Variants in GRIA3 observed in about 807,000 individuals in gnomAD.
GRIA3 encodes the protein glutamate receptor 3.
Under a neutral mutation model 63.0 loss-of-function variants are expected in GRIA3, and 3 were observed. The ratio of observed to expected loss-of-function variants is 0.05; its 90% CI spans 0.02 to 0.12. GRIA3 has a LOEUF of 0.12. Ranked by LOEUF, GRIA3 falls within the 10% of genes least tolerant of loss-of-function variation. GRIA3 has a pLI of 1.00. For synonymous variants in GRIA3, 274 were observed against 257.9 expected, an observed-to-expected ratio of 1.06 and a Z score of -0.60; for missense variants, 347 against 700.9, an observed-to-expected ratio of 0.50 and a Z score of 5.70.
chrX:123,365,474 T>C (rs1286736200), intron 5 of GRIA3, among the ~76,000 whole-genome samples: 6 of 111,284 alleles, frequency 5.4e-5, no homozygotes, highest in South Asian at 3.8e-4. Context: ...TAACAGATAA[T>C]GGAAATCCTT....
intron 6 of GRIA3, among the ~76,000 whole-genome samples, chrX:123,396,079 G>A (rs1179738041): frequency 9.2e-6 from 1 of 108,806 alleles, no homozygotes; most frequent in Non-Finnish European, 1.9e-5. Context: ...GGTAGCATGC[G>A]CCTGTAATCC....
chrX:123,376,933 C>CTT (rs11310583), intron 5 of GRIA3, among the ~76,000 whole-genome samples: 10,085 of 73,656 alleles, frequency 0.14, 1,176 homozygotes, highest in Non-Finnish European at 0.19. Flanking sequence ...TTCATTCACT[C>CTT]TTTTTTTTTT....
At chrX:123,263,030 G>T (rs1445373141) in intron 3 of GRIA3, among the ~76,000 whole-genome samples, 4 of 111,968 alleles carry the variant, frequency 3.6e-5, no homozygotes, top group Admixed American at 2.8e-4. Flanking sequence ...TTGAAAATAG[G>T]CAGTAAACAA....
rs1319867525 is a variant in GRIA3, at chrX:123,245,210, G to A, written c.269-8093G>A. Among the ~76,000 whole-genome samples the A allele has an allele frequency of 1.2e-4, 14 of 112,368 alleles. No individual in the cohort carries two copies. The Admixed American group carries it at 1.3e-3, about 11-fold the overall frequency. On this transcript the variant is annotated intron_variant, in intron 2 of 15. Coordinates refer to ENST00000620443, the MANE Select transcript of GRIA3 (RefSeq NM_007325.5). ...CTTTGGTTCCTGGAACAAGAGCAAT[G>A]CATTAGAAGAAACAGGGACAACGGG...
At chrX:123,415,953 A>G (rs1448245090) in intron 10 of GRIA3, among the ~76,000 whole-genome samples, 1 of 111,940 alleles carries the variant, frequency 8.9e-6, no homozygotes, top group African/African-American at 3.2e-5. Flanking sequence ...GAAACCTGCA[A>G]GTATCTATGG....
chrX:123,307,993 C>T (rs146892668), intron 3 of GRIA3, among the ~76,000 whole-genome samples: 3 of 111,435 alleles, frequency 2.7e-5, no homozygotes, highest in East Asian at 5.6e-4. Context: ...TGTCCTAGAT[C>T]CATCTACATA....
intron 5 of GRIA3, among the ~76,000 whole-genome samples, chrX:123,362,557 C>T (rs748451593): frequency 4.0e-4 from 44 of 110,815 alleles, no homozygotes; most frequent in Admixed American, 2.5e-3. Context: ...GATTAGATGC[C>T]AGGTGGAAGA....
intron 2 of GRIA3, among the ~76,000 whole-genome samples, chrX:123,203,737 G>A (rs184082994): frequency 8.9e-6 from 1 of 112,106 alleles, no homozygotes; most frequent in African/African-American, 3.2e-5. Flanking sequence ...TGTTCAGTGC[G>A]ATAGCAAGGT....
intron 3 of GRIA3, among the ~76,000 whole-genome samples, chrX:123,302,804 A>G (rs1375797150): frequency 9.0e-6 from 1 of 111,179 alleles, no homozygotes; most frequent in Non-Finnish European, 1.9e-5. Flanking sequence ...GAGGAGTTTT[A>G]ATATCTTGAT....
At chrX:123,294,581 C>T (rs1333364294) in intron 3 of GRIA3, among the ~76,000 whole-genome samples, 1 of 110,650 alleles carries the variant, frequency 9.0e-6, no homozygotes, top group Non-Finnish European at 1.9e-5. Flanking sequence ...TAGAAACTAG[C>T]TCTAGGATTT....
chrX:123,475,402 A>G (rs749412278), intron 13 of GRIA3, among the ~76,000 whole-genome samples: 1 of 112,265 alleles, frequency 8.9e-6, no homozygotes, highest in Non-Finnish European at 1.9e-5. Context: ...TGCCAGTGAG[A>G]TAAATATTTT....
At chrX:123,281,588 A>G (rs1028401636) in intron 3 of GRIA3, among the ~76,000 whole-genome samples, 1 of 111,722 alleles carries the variant, frequency 9.0e-6, no homozygotes, top group South Asian at 3.8e-4. Context: ...CAAGCTTGTC[A>G]TGGTACCTTA....
intron 2 of GRIA3, among the ~76,000 whole-genome samples, chrX:123,233,425 A>C (rs2044285902): frequency 2.7e-5 from 3 of 111,640 alleles, no homozygotes; most frequent in Non-Finnish European, 5.7e-5. Flanking sequence ...TACTTCTCTG[A>C]ACCTCAGTTT....
chrX:123,384,417 G>T (rs2045342745), intron 5 of GRIA3, among the ~76,000 whole-genome samples: 1 of 111,935 alleles, frequency 8.9e-6, no homozygotes, highest in Non-Finnish European at 1.9e-5. Context: ...CTGAGGTCGG[G>T]AGTTCGAGAC....
intron 12 of GRIA3, among the ~76,000 whole-genome samples, chrX:123,461,213 A>G (rs1377712638): frequency 8.9e-6 from 1 of 112,048 alleles, no homozygotes; most frequent in Non-Finnish European, 1.9e-5. Flanking sequence ...TGTCATGTAT[A>G]GAGTAATTTG....
At chrX:123,255,934 G>C (rs2044417284) in intron 3 of GRIA3, among the ~76,000 whole-genome samples, 2 of 110,662 alleles carry the variant, frequency 1.8e-5, no homozygotes, top group Non-Finnish European at 3.8e-5. Context: ...GAAAAAAGCA[G>C]TCTATTCTTC....
Position 123,404,763 on chromosome X carries a change from G to A in GRIA3, c.1349G>A (p.Arg450Gln), listed in dbSNP as rs368568228. Residue 450 changes from arginine (R) to glutamine (Q), a missense_variant, in exon 10 of 16, where the codon CGA becomes CAA. Physicochemically the swap from Arg to Gln is conservative, Grantham distance 43. Around this residue, in one of 8 missense-constraint regions of GRIA3, gnomAD observed 65 missense variants for 145.8 expected, o/e 0.45. Transcript: ENST00000620443. ...CATGAGCAACTGGAAGGAAATGAAC[G>A]ATATGAAGGCTATTGTGTAGACCTA... The part of the protein sequence containing the change: ...KNHEQLEGNE[R>Q]YEGYCVDLAY... 2.9e-5 allele frequency: 35 copies of A among 1,202,416 alleles called. No homozygotes were observed. Among genetic ancestry groups the A allele is most frequent in the Non-Finnish European group, 3.7e-5 (33 of 888,361 alleles).
chrX:123,273,651 G>A (rs752034605), intron 3 of GRIA3, among the ~76,000 whole-genome samples: 8 of 111,592 alleles, frequency 7.2e-5, no homozygotes, highest in East Asian at 5.7e-4. Context: ...TTGTGGCCAC[G>A]GGGGCCCAAG....
At position 123,404,737 on chromosome X, in the gene GRIA3, C is replaced by T. The variant is rs2045463039; in HGVS notation, c.1323C>T (p.Asn441=). ...LESPYVMYKK[N]HEQLEGNERY... is the part of the protein sequence containing the mutation. ...CACCATATGTAATGTACAAGAAGAA[C>T]CATGAGCAACTGGAAGGAAATGAAC... Residue 441 remains asparagine, a synonymous_variant, in exon 10 of 16, where the codon AAC becomes AAT. Coordinates refer to ENST00000620443, the MANE Select transcript of GRIA3 (RefSeq NM_007325.5). 3 of 1,205,399 alleles carry T rather than the reference C, an allele frequency of 2.5e-6. No individual in the cohort carries two copies. Among genetic ancestry groups the T allele is most frequent in the Non-Finnish European group, 3.4e-6 (3 of 889,938 alleles).
Sources: allele counts gnomAD v4.1 joint callset (sites outside exome capture counted in the v4.1 genomes callset), GRCh38; gene constraint gnomAD v4.1.1; regional missense constraint gnomAD v4.1.1; transcripts MANE v1.5; gene names NCBI Gene and HGNC (gene_info 2026-07-23, HGNC 2026-07-21).